Variants in INO80D observed in about 807,000 individuals in gnomAD.
INO80D encodes the protein INO80 complex subunit D.
Under a neutral mutation model 87.6 loss-of-function variants are expected in INO80D, and 21 were observed. The observed-to-expected ratio is 0.24, with a 90% CI of 0.17 to 0.35. The LOEUF is 0.35. INO80D is among the 10% of genes least tolerant of loss of function. The pLI is 1.00. For missense variants in INO80D, 982 were observed against 1,280.7 expected (o/e 0.77, Z 3.56); for synonymous variants, 440 against 491.0 (o/e 0.90, Z 1.37).
At chr2:206,048,039 T>C (rs1689246634) in intron 4 of INO80D, among the ~76,000 whole-genome samples, 2 of 151,940 alleles carry the variant, frequency 1.3e-5, no homozygotes, top group African/African-American at 4.8e-5. Flanking sequence ...GTATTTTTAG[T>C]AGAGACGGGG....
At chr2:206,006,491 T>C (rs545635170) in intron 10 of INO80D, among the ~76,000 whole-genome samples, 2 of 151,904 alleles carry the variant, frequency 1.3e-5, no homozygotes, top group Middle Eastern at 3.4e-3. Flanking sequence ...GAGACCAGCC[T>C]GACCAACATG....
chr2:206,075,851 C>G (rs955125167), intron 1 of INO80D, among the ~76,000 whole-genome samples: 2 of 151,080 alleles, frequency 1.3e-5, no homozygotes, highest in Non-Finnish European at 3.0e-5. Flanking sequence ...GTCAGGAGTT[C>G]GAGACCAGCC....
Position 205,994,057 on chromosome 2 carries a change from G to A in INO80D, c.*10311C>T, listed in dbSNP as rs1687763547. The A allele has an allele frequency of 6.6e-6, 1 of 152,128 alleles. No individual in the cohort carries two copies. The highest frequency in any genetic ancestry group is 6.6e-5 in the Admixed American group (1 of 15,258). 9.4% of individuals were successfully genotyped at this position (152,128 alleles called of 1,614,324 possible). ...AAAAGTCAATCGCCTCCCAAGACGT[G>A]GTCCTCCCAGCAATGCCGCACCCAA... On this transcript the variant is annotated 3_prime_UTR_variant, in exon 11 of 11. Coordinates refer to ENST00000403263, the MANE Select transcript of INO80D (RefSeq NM_017759.5).
rs200929508 is a variant in INO80D at position 206,009,642 on chromosome 2, T to C, written c.1695A>G (p.Ala565=). ...PRRPQKPIPP[A]VPQGNLSMPA... ...GCATGCTGAGGTTCCCTTGGGGGAC[T>C]GCAGGTGGAATGGGTTTTTGGGGTC... The change falls in exon 9 of 11, where the codon GCA becomes GCG. Residue 565 remains alanine (A), a synonymous_variant. Transcript: ENST00000403263. The C allele has an allele frequency of 9.9e-6, 16 of 1,613,846 alleles. No individual in the cohort carries two copies. The highest frequency in any genetic ancestry group is 1.7e-4 in the Middle Eastern group (1 of 6,060).
chr2:205,997,978 A>T lies in INO80D; in HGVS notation c.*6390T>A, dbSNP rs1299084012. 6.6e-6 allele frequency: 1 copy of T among 152,202 alleles called. No individual in the cohort carries two copies. The highest frequency in any genetic ancestry group is 2.4e-5 in the African/African-American group (1 of 41,462). 9.4% of individuals were successfully genotyped at this position (152,202 alleles called of 1,614,324 possible). On this transcript the variant is annotated 3_prime_UTR_variant, in exon 11 of 11. Transcript: ENST00000403263. Reference sequence around the variant, plus strand: ...AAAATACAGACATATACATGCACACAAGTAATTTAGTTCTATTTTAAAGTC... The same window carrying T: ...AAAATACAGACATATACATGCACACTAGTAATTTAGTTCTATTTTAAAGTC...
intron 5 of INO80D, among the ~76,000 whole-genome samples, chr2:206,033,503 C>A (rs1349482421): frequency 1.3e-5 from 2 of 152,104 alleles, no homozygotes; most frequent in Non-Finnish European, 2.9e-5. Flanking sequence ...GTCAAAAACA[C>A]AATCAAGATG....
chr2:206,078,277 C>T (rs1323597914), intron 1 of INO80D, among the ~76,000 whole-genome samples: 4 of 151,768 alleles, frequency 2.6e-5, no homozygotes, highest in African/African-American at 9.7e-5. Flanking sequence ...AATTAGCCGG[C>T]GTGGTGGCAC....
intron 1 of INO80D, among the ~76,000 whole-genome samples, chr2:206,078,059 T>TAAA (rs1559467210): frequency 1.1e-4 from 1 of 8,946 alleles, no homozygotes; most frequent in Non-Finnish European, 2.4e-4. Context: ...TTGCAATGTT[T>TAAA]ACAAAAAAAA....
At chr2:206,043,945 A>G (rs1452003462) in intron 5 of INO80D, among the ~76,000 whole-genome samples, 1 of 152,188 alleles carries the variant, frequency 6.6e-6, no homozygotes, top group Non-Finnish European at 1.5e-5. Flanking sequence ...TAATCCTGAC[A>G]CTTTGGGAGG....
rs976444222 is a variant in INO80D at position 206,062,567 on chromosome 2, C to T, written c.218+232G>A. On this transcript the variant is annotated intron_variant, in intron 3 of 10. Transcript: ENST00000403263. This position sits in a 1 kb window ranked among gnomAD's most constrained non-coding sequence, Gnocchi z 4.6. ...ATTAAATAGAAGACACTCAAACATA[C>T]TTTAAGTAATTCCCCAAATTTATTA... is the stretch of plus-strand genomic sequence containing the variant. Among the ~76,000 whole-genome samples, 2 of 152,120 alleles carry T rather than the reference C, an allele frequency of 1.3e-5. No homozygotes were observed. The highest frequency in any genetic ancestry group is 2.9e-5 in the Non-Finnish European group (2 of 68,020).
chr2:206,069,840 T>C (rs1689913029), intron 1 of INO80D, among the ~76,000 whole-genome samples: 1 of 152,230 alleles, frequency 6.6e-6, no homozygotes, highest in African/African-American at 2.4e-5. Flanking sequence ...TTTAAATTTA[T>C]TCAATGCAAA....
chr2:206,048,031 A>G (rs1418038442), intron 4 of INO80D, among the ~76,000 whole-genome samples: 1 of 149,432 alleles, frequency 6.7e-6, no homozygotes, highest in East Asian at 2.0e-4. Context: ...TTTTTTTTGT[A>G]TTTTTAGTAG....
chr2:206,074,662 G>A (rs1000854118), intron 1 of INO80D, among the ~76,000 whole-genome samples: 1 of 152,226 alleles, frequency 6.6e-6, no homozygotes, highest in Non-Finnish European at 1.5e-5. Context: ...CATTGGGGCT[G>A]GGCATGGCGG....
At position 206,008,251 on chromosome 2, in the gene INO80D, T is replaced by C. The variant is rs1688079908; in HGVS notation, c.1761-810A>G. 4.0e-5 allele frequency among the ~76,000 whole-genome samples: 6 copies of C among 149,064 alleles called. No individual in the cohort carries two copies. In the South Asian group the frequency reaches 1.3e-3, roughly 32 times the overall value. Reference sequence around the variant, plus strand: ...CACCCACCTTGGCCTCCCAAAGTGTTGGGATTACAGGCATGAGCCACCATG... The same window carrying C: ...CACCCACCTTGGCCTCCCAAAGTGTCGGGATTACAGGCATGAGCCACCATG... On this transcript the variant is annotated intron_variant, in intron 9 of 10. Coordinates refer to ENST00000403263, the MANE Select transcript of INO80D (RefSeq NM_017759.5).
Position 206,005,255 on chromosome 2 carries a change from C to T in INO80D, c.2197G>A (p.Glu733Lys). 6.2e-7 allele frequency: 1 copy of T among 1,614,020 alleles called. No individual in the cohort carries two copies. Among genetic ancestry groups the T allele is most frequent in the Non-Finnish European group, 8.5e-7 (1 of 1,179,886 alleles). Residue 733 changes from glutamate (E) to lysine (K), a missense_variant, in exon 11 of 11, where the codon GAG (glutamate) becomes AAG (lysine). Glu to Lys is a moderately conservative substitution (Grantham distance 56). Transcript: ENST00000403263. ...HDNFSSLELD[E>K]NLLRSATLSN... is the part of the protein sequence containing the mutation. Reference sequence around the variant, plus strand: ...AAGGTAGCAGAACGGAGCAGGTTCTCATCCAGCTCTAGACTAGAAAAATTA... The same window carrying T: ...AAGGTAGCAGAACGGAGCAGGTTCTTATCCAGCTCTAGACTAGAAAAATTA...
chr2:206,017,594 T>A, intron 8 of INO80D, 86 bp downstream of exon 8: 1 of 1,099,594 alleles, frequency 9.1e-7, no homozygotes, highest in South Asian at 2.0e-5. Context: ...GTGATTTATA[T>A]ACATACATAG....
chr2:206,065,668 T>C (rs1186246422), intron 1 of INO80D, among the ~76,000 whole-genome samples: 1 of 151,962 alleles, frequency 6.6e-6, no homozygotes, highest in Non-Finnish European at 1.5e-5. Flanking sequence ...AGTATATATA[T>C]AAGAAACAAA....
intron 5 of INO80D, among the ~76,000 whole-genome samples, chr2:206,042,117 G>A (rs1689066215): frequency 6.6e-6 from 1 of 152,138 alleles, no homozygotes; most frequent in African/African-American, 2.4e-5. Context: ...GGATGACAGA[G>A]TGAAACCTTG....
rs565842654 is a variant in INO80D at position 206,041,773 on chromosome 2, G to A, written c.1073+4731C>T. Among the ~76,000 whole-genome samples, 10 of 152,220 alleles carry A rather than the reference G, an allele frequency of 6.6e-5. No individual in the cohort carries two copies. In the East Asian group the frequency reaches 1.7e-3, roughly 26 times the overall value. On this transcript the variant is annotated intron_variant, in intron 5 of 10. Coordinates refer to ENST00000403263, the MANE Select transcript of INO80D (RefSeq NM_017759.5). ...AGAATTAAACTAGAAATCAGTATCTGGGAAACCCCAAAATACTCAAAAACT... is the reference window on the plus strand; with the variant it reads ...AGAATTAAACTAGAAATCAGTATCTAGGAAACCCCAAAATACTCAAAAACT...
Sources: allele counts gnomAD v4.1 joint callset (sites outside exome capture counted in the v4.1 genomes callset), GRCh38; gene constraint gnomAD v4.1.1; non-coding constraint Gnocchi (gnomAD v3.1); transcripts MANE v1.5; gene names NCBI Gene and HGNC (gene_info 2026-07-23, HGNC 2026-07-21).